The following RUNX1 variants were observed in gnomAD, a reference collection of about 807,000 sequenced individuals.
RUNX1 encodes the protein RUNX family transcription factor 1, also known as runt-related transcription factor 1.
Under a neutral mutation model 42.8 loss-of-function variants are expected in RUNX1, and 19 were observed. The observed-to-expected ratio is 0.44, with a 90% CI of 0.31 to 0.65. The LOEUF (loss-of-function observed/expected upper bound fraction) is 0.65. Among genes scored for constraint, RUNX1 ranks in the 30% least tolerant of loss-of-function variants. The pLI, the probability that RUNX1 is intolerant of heterozygous loss-of-function variation, is 0.07. For synonymous variants in RUNX1, 271 were observed against 289.4 expected (o/e 0.94, Z 0.64); for missense variants, 528 against 672.0 (o/e 0.79, Z 2.37).
At position 34,817,348 on chromosome 21, in the gene RUNX1, C is replaced by T. The variant is rs373184697; in HGVS notation, c.805+17062G>A. Among the ~76,000 whole-genome samples the T allele has an allele frequency of 1.9e-3, 287 of 152,340 alleles. 1 individual carries two copies. In the South Asian group the frequency reaches 0.032, roughly 17 times the overall value. ...GTGGCTGAGCTACAAATGATTTATACTACAAGAAACAGACTGGCGCAACCT... is the reference window on the plus strand; with the variant it reads ...GTGGCTGAGCTACAAATGATTTATATTACAAGAAACAGACTGGCGCAACCT... On this transcript the variant is annotated intron_variant, in intron 7 of 8. Coordinates refer to ENST00000675419, the MANE Select transcript of RUNX1 (RefSeq NM_001754.5).
chr21:34,928,644 C>T (rs1276458744), intron 2 of RUNX1, among the ~76,000 whole-genome samples: 1 of 150,878 alleles, frequency 6.6e-6, no homozygotes, highest in African/African-American at 2.5e-5. Flanking sequence ...CGCGCCACTG[C>T]ACTCCAGCCT....
At chr21:34,839,754 C>A (rs79650114) in intron 6 of RUNX1, among the ~76,000 whole-genome samples, 4,138 of 152,210 alleles carry the variant, frequency 0.027, 64 homozygotes, top group African/African-American at 0.04. Context: ...GCTGAGGCTG[C>A]CGATACAGGG....
At chr21:34,809,905 G>A (rs538116375) in intron 7 of RUNX1, among the ~76,000 whole-genome samples, 65 of 152,208 alleles carry the variant, frequency 4.3e-4, no homozygotes, top group African/African-American at 9.2e-4. Context: ...ATGAGTTGTC[G>A]ATATTGGAGA....
At chr21:34,793,241 T>TA (rs1312710680) in intron 8 of RUNX1, among the ~76,000 whole-genome samples, 2 of 152,042 alleles carry the variant, frequency 1.3e-5, no homozygotes, top group African/African-American at 4.8e-5. Context: ...AGGAGGCTGC[T>TA]ACTGCCCAGG....
rs200050352 is a variant in RUNX1 at position 34,789,667 on chromosome 21, A to AT, written c.*2467dup. On this transcript the variant is annotated 3_prime_UTR_variant, in exon 9 of 9. Transcript: ENST00000675419. ...CTATCGCCAAAACAACTACAGTTTG[A>AT]TTTTTTTTGAAACAATTAAATACTA... is the stretch of plus-strand genomic sequence containing the variant. 989 of 233,076 alleles carry AT rather than the reference A, an allele frequency of 4.2e-3. 12 individuals carry two copies. Among genetic ancestry groups the AT allele is most frequent in the Middle Eastern group, 7.6e-3 (6 of 786 alleles). 14.4% of individuals were successfully genotyped at this position (233,076 alleles called of 1,614,324 possible).
chr21:34,884,263 G>A lies in RUNX1; in HGVS notation c.351+2580C>T, dbSNP rs555456417. 9.9e-4 allele frequency among the ~76,000 whole-genome samples: 151 copies of A among 152,258 alleles called. 2 individuals are homozygous for A. The highest frequency in any genetic ancestry group is 1.6e-3 in the Non-Finnish European group (107 of 67,996). On this transcript the variant is annotated intron_variant, in intron 4 of 8. Transcript: ENST00000675419. ...TTGGGGCTCAAAATAAGCAAGTAGG[G>A]TTATTGTAATCTATTTTAAAGAAAA...
At chr21:34,920,964 T>C (rs35655125) in intron 2 of RUNX1, among the ~76,000 whole-genome samples, 54,825 of 152,002 alleles carry the variant, frequency 0.36, 11,069 homozygotes, top group East Asian at 0.58. Context: ...GTTCAAGCGA[T>C]TGTCTTGCCT....
intron 2 of RUNX1, among the ~76,000 whole-genome samples, chr21:34,911,676 G>A (rs1023435365): frequency 1.3e-5 from 2 of 152,090 alleles, no homozygotes; most frequent in Non-Finnish European, 2.9e-5. Flanking sequence ...ACTCCTTGAC[G>A]GCTTTCCAGG....
In RUNX1 at chr21:34,887,242, T is replaced by TGGGG. The variant is rs3833348; in HGVS notation, c.98-150_98-147dup. ...CAGGGGCCTTTATTACTGCGGGGGG[T>TGGGG]GGGGGGGGGCGGGGGTGGTTAGGGG... On this transcript the variant is annotated intron_variant, in intron 3 of 8. Coordinates refer to ENST00000675419, the MANE Select transcript of RUNX1 (RefSeq NM_001754.5). The TGGGG allele has an allele frequency of 4.1e-4, 124 of 299,280 alleles. 1 individual carries two copies. Among genetic ancestry groups the TGGGG allele is most frequent in the Middle Eastern group, 3.0e-3 (2 of 670 alleles). The allele number at this position is 299,280 out of a possible 1,614,324, so 18.5% of individuals were successfully genotyped here.
chr21:34,856,177 G>A (rs1222335734), intron 6 of RUNX1: 4 of 361,568 alleles, frequency 1.1e-5, no homozygotes, highest in East Asian at 7.6e-5. Context: ...AAAAACAGAC[G>A]AGCTGTGGCA....
At chr21:35,003,530 T>TA (rs571748934) in intron 2 of RUNX1, among the ~76,000 whole-genome samples, 35 of 112,116 alleles carry the variant, frequency 3.1e-4, no homozygotes, top group East Asian at 9.8e-4. Flanking sequence ...TTTTTTTTTT[T>TA]AAAAAAAAAG....
At chr21:34,825,147 G>T (rs1006137429) in intron 7 of RUNX1, among the ~76,000 whole-genome samples, 6 of 152,206 alleles carry the variant, frequency 3.9e-5, no homozygotes, top group African/African-American at 1.4e-4. Flanking sequence ...AAGGCAGCTT[G>T]CTTCAAAACA....
At chr21:34,910,534 C>T (rs2058264129) in intron 2 of RUNX1, among the ~76,000 whole-genome samples, 1 of 152,074 alleles carries the variant, frequency 6.6e-6, no homozygotes, top group Non-Finnish European at 1.5e-5. Context: ...TGTCACCAGC[C>T]CTGGACATGA....
At chr21:34,930,211 A>G (rs2058429163) in intron 2 of RUNX1, among the ~76,000 whole-genome samples, 1 of 141,492 alleles carries the variant, frequency 7.1e-6, no homozygotes, top group Non-Finnish European at 1.5e-5. Flanking sequence ...ATATACATAT[A>G]TACATGTATA....
At chr21:35,012,754 T>C (rs529726624) in intron 2 of RUNX1, among the ~76,000 whole-genome samples, 135 of 152,198 alleles carry the variant, frequency 8.9e-4, no homozygotes, top group Middle Eastern at 3.4e-3. Flanking sequence ...ATGATTACAC[T>C]TGCTGTCACA....
intron 2 of RUNX1, among the ~76,000 whole-genome samples, chr21:34,917,428 G>A (rs2058319889): frequency 6.6e-6 from 1 of 152,132 alleles, no homozygotes; most frequent in Admixed American, 6.5e-5. Context: ...GTTTTCAGTT[G>A]AACAAAAAGA....
chr21:34,981,462 T>C (rs1431729556), intron 2 of RUNX1, among the ~76,000 whole-genome samples: 1 of 152,184 alleles, frequency 6.6e-6, no homozygotes, highest in East Asian at 1.9e-4. Context: ...CTGGACCTAT[T>C]CTAGAAGCCT....
intron 2 of RUNX1, among the ~76,000 whole-genome samples, chr21:34,978,328 C>T (rs1348095068): frequency 6.6e-6 from 1 of 152,108 alleles, no homozygotes; most frequent in African/African-American, 2.4e-5. Flanking sequence ...GGTGCTCATT[C>T]TACGTTAGTT....
rs918850131 is a variant in RUNX1 at position 34,843,114 on chromosome 21, G to T, written c.614-8513C>A. Among the ~76,000 whole-genome samples the T allele has an allele frequency of 1.3e-5, 2 of 151,740 alleles. No homozygotes were observed. The highest frequency in any genetic ancestry group is 2.9e-5 in the Non-Finnish European group (2 of 67,912). On this transcript the variant is annotated intron_variant, in intron 6 of 8. Coordinates refer to ENST00000675419, the MANE Select transcript of RUNX1 (RefSeq NM_001754.5). The surrounding 1 kb of genome is among the most constrained non-coding windows in gnomAD (Gnocchi z 4.8). ...AATATAGATACACATGGACACACAT[G>T]TATAAACACACATACAGACACACAT...
Sources: allele counts gnomAD v4.1 joint callset (sites outside exome capture counted in the v4.1 genomes callset), GRCh38; gene constraint gnomAD v4.1.1; non-coding constraint Gnocchi (gnomAD v3.1); transcripts MANE v1.5; gene names NCBI Gene and HGNC (gene_info 2026-07-23, HGNC 2026-07-21).